SLC4A10: variants seen among roughly 807,000 people sequenced by gnomAD.
SLC4A10 encodes the protein solute carrier family 4 member 10.
A neutral mutation model predicts 137.7 loss-of-function variants in SLC4A10; 42 were observed. The ratio of observed to expected loss-of-function variants is 0.30; its 90% CI spans 0.24 to 0.39. The LOEUF (loss-of-function observed/expected upper bound fraction) is 0.39. SLC4A10 is among the 10% of genes least tolerant of loss of function. SLC4A10 has a pLI of 1.00. For missense variants in SLC4A10, 925 were observed against 1,355.0 expected (o/e 0.68, Z 4.98); for synonymous variants, 474 against 464.1 (o/e 1.02, Z -0.27).
chr2:161,642,286 T>C (rs1003368727), intron 1 of SLC4A10, among the ~76,000 whole-genome samples: 10 of 152,022 alleles, frequency 6.6e-5, no homozygotes, highest in Non-Finnish European at 1.0e-4. Flanking sequence ...TTCATAGTTA[T>C]ACTGAAACTT....
intron 26 of SLC4A10, among the ~76,000 whole-genome samples, chr2:161,982,246 T>C (rs1700318899): frequency 1.3e-5 from 2 of 152,076 alleles, no homozygotes; most frequent in Admixed American, 6.5e-5. Context: ...GAGGGTCACA[T>C]AGAAGCCTCA....
intron 16 of SLC4A10, among the ~76,000 whole-genome samples, chr2:161,945,300 G>A (rs116001078): frequency 0.01 from 1,460 of 144,896 alleles, 13 homozygotes; most frequent in African/African-American, 0.03. Flanking sequence ...ATATTCATAA[G>A]CAGTTAACCA....
chr2:161,949,576 T>G (rs1694423994), intron 18 of SLC4A10, among the ~76,000 whole-genome samples: 1 of 152,088 alleles, frequency 6.6e-6, no homozygotes, highest in Admixed American at 6.6e-5. Flanking sequence ...AGGATTATCT[T>G]GGCAGAATTG....
intron 1 of SLC4A10, among the ~76,000 whole-genome samples, chr2:161,770,141 A>G (rs1292455719): frequency 4.0e-5 from 6 of 151,804 alleles, no homozygotes; most frequent in Admixed American, 4.0e-4. Flanking sequence ...CTCAGTGTTC[A>G]CTTTTAAGGT....
intron 1 of SLC4A10, among the ~76,000 whole-genome samples, chr2:161,734,195 G>T (rs1312727285): frequency 1.3e-5 from 2 of 152,126 alleles, no homozygotes; most frequent in African/African-American, 4.8e-5. Context: ...ATTTGGAGGG[G>T]CCAGGGGTGG....
At chr2:161,872,092 C>A (rs933851557) in intron 6 of SLC4A10, among the ~76,000 whole-genome samples, 1 of 151,978 alleles carries the variant, frequency 6.6e-6, no homozygotes, top group Non-Finnish European at 1.5e-5. Context: ...TTATTTTTTA[C>A]TGAATTCTCC....
At chr2:161,856,453 T>G (rs2060108838) in intron 5 of SLC4A10, among the ~76,000 whole-genome samples, 1 of 151,604 alleles carries the variant, frequency 6.6e-6, no homozygotes, top group South Asian at 2.1e-4. Flanking sequence ...ATGTAACACC[T>G]ATAAAGAGAT....
intron 4 of SLC4A10, 116 bp from the exon 5 acceptor site, chr2:161,854,854 C>T: frequency 9.7e-7 from 1 of 1,035,760 alleles, no homozygotes; most frequent in Admixed American, 3.7e-5. Context: ...ACTTCCAAAA[C>T]CTATGAACCA....
rs1558970156 is a variant in SLC4A10 at position 161,660,661 on chromosome 2, C to CTTCTTTCTTTCTTTCTTTCTTTCT, written c.48+36097_48+36098insCTTTCTTTCTTTCTTTCTTTCTTT. The stretch of plus-strand genomic sequence containing the variant: ...CTTTCCTTCTTTCTTTCTTTCTTTC[C>CTTCTTTCTTTCTTTCTTTCTTTCT]TTTTTTTTTTGAGACAGCGTCTTGC... On this transcript the variant is annotated intron_variant, in intron 1 of 26. Coordinates refer to ENST00000446997, the MANE Select transcript of SLC4A10 (RefSeq NM_001178015.2). 3.8e-5 allele frequency among the ~76,000 whole-genome samples: 5 copies of CTTCTTTCTTTCTTTCTTTCTTTCT among 130,058 alleles called. No individual in the cohort carries two copies. In the South Asian group the frequency reaches 7.1e-4, roughly 18 times the overall value. The allele number at this position is 130,058 out of a possible 152,430, so 85.3% of individuals were successfully genotyped here.
chr2:161,774,638 G>C (rs1235173281), intron 2 of SLC4A10, among the ~76,000 whole-genome samples: 2 of 151,844 alleles, frequency 1.3e-5, no homozygotes, highest in African/African-American at 4.8e-5. Context: ...ACATGACCCT[G>C]TAGTCAATGA....
At chr2:161,958,889 T>C (rs1042258351) in intron 21 of SLC4A10, among the ~76,000 whole-genome samples, 15 of 152,178 alleles carry the variant, frequency 9.9e-5, no homozygotes, top group Non-Finnish European at 2.1e-4. Context: ...TATGGACATC[T>C]ATTGGTAAGA....
At chr2:161,844,839 C>A (rs1336641615) in intron 4 of SLC4A10, among the ~76,000 whole-genome samples, 1 of 152,072 alleles carries the variant, frequency 6.6e-6, no homozygotes, top group Admixed American at 6.6e-5. Context: ...ATGTGCTAAT[C>A]TTGGATGAAA....
At chr2:161,763,858 A>G (rs750856163) in intron 1 of SLC4A10, among the ~76,000 whole-genome samples, 29 of 152,162 alleles carry the variant, frequency 1.9e-4, no homozygotes, top group Admixed American at 1.1e-3. Context: ...CTGTCGTAAT[A>G]GCTAATAAAA....
chr2:161,880,174 C>T (rs187170034), intron 9 of SLC4A10, among the ~76,000 whole-genome samples: 9 of 152,192 alleles, frequency 5.9e-5, no homozygotes, highest in African/African-American at 9.6e-5. Flanking sequence ...TTTAGGGCCC[C>T]GTTCCCATAT....
intron 1 of SLC4A10, among the ~76,000 whole-genome samples, chr2:161,746,012 G>T (rs544070276): frequency 5.3e-5 from 8 of 152,186 alleles, no homozygotes; most frequent in Admixed American, 2.6e-4. Flanking sequence ...ACCACTGCTG[G>T]AATCTTGTTG....
At chr2:161,900,469 C>T (rs917230911) in intron 11 of SLC4A10, among the ~76,000 whole-genome samples, 17 of 152,086 alleles carry the variant, frequency 1.1e-4, no homozygotes, top group African/African-American at 4.1e-4. Context: ...TACCCACATC[C>T]TGATCTCTCT....
intron 4 of SLC4A10, among the ~76,000 whole-genome samples, chr2:161,853,690 G>A (rs762528629): frequency 6.6e-6 from 1 of 151,842 alleles, no homozygotes; most frequent in Non-Finnish European, 1.5e-5. Context: ...CAGCCTTGAA[G>A]AGATATACTG....
intron 1 of SLC4A10, among the ~76,000 whole-genome samples, chr2:161,708,041 A>G (rs975128900): frequency 2.0e-5 from 3 of 151,384 alleles, no homozygotes; most frequent in African/African-American, 7.3e-5. Flanking sequence ...TTTTAGAAGA[A>G]GAAAGTAAAT....
At chr2:161,753,738 T>C (rs2049252003) in intron 1 of SLC4A10, among the ~76,000 whole-genome samples, 1 of 152,100 alleles carries the variant, frequency 6.6e-6, no homozygotes, top group South Asian at 2.1e-4. Context: ...TACATACATC[T>C]ATAAATTGCA....
Sources: gnomAD v4.1 joint callset for allele counts (sites outside exome capture counted in the v4.1 genomes callset) on GRCh38, gnomAD v4.1.1 for gene constraint, MANE v1.5 for transcripts, NCBI Gene and HGNC (gene_info 2026-07-23, HGNC 2026-07-21) for gene names.